SI: variants seen among roughly 807,000 people sequenced by gnomAD.
SI encodes sucrase-isomaltase, intestinal.
Under a neutral mutation model 253.3 loss-of-function variants are expected in SI, and 235 were observed. The observed-to-expected ratio is 0.93, with a 90% CI of 0.83 to 1.03. The LOEUF (loss-of-function observed/expected upper bound fraction) is 1.03, where lower values mean the gene tolerates loss of function less well. Among genes scored for constraint, SI ranks in the 50% least tolerant of loss-of-function variants. SI has a pLI of 0.00. For missense variants in SI, 2,442 were observed against 2,211.1 expected (o/e 1.10, Z -2.09); for synonymous variants, 819 against 712.0 (o/e 1.15, Z -2.39).
intron 20 of SI, among the ~76,000 whole-genome samples, 165 bp from the exon 21 acceptor site, chr3:165,038,189 A>G (rs1712633109): frequency 6.6e-6 from 1 of 151,996 alleles, no homozygotes; most frequent in African/African-American, 2.4e-5. Context: ...AGTTTGCTGA[A>G]CAAAGTAGAG....
intron 27 of SI, 32 bp from the exon 28 acceptor site, chr3:165,019,802 T>C: frequency 6.3e-7 from 1 of 1,579,068 alleles, no homozygotes; most frequent in Non-Finnish European, 8.7e-7. Flanking sequence ...GCTATGTCTG[T>C]CAAAATATAT....
Position 165,033,402 on chromosome 3 carries a change from A to C in SI, c.2558T>G (p.Val853Gly), listed in dbSNP as rs1712353383. 6.4e-7 allele frequency: 1 copy of C among 1,559,918 alleles called. No homozygotes were observed. The highest frequency in any genetic ancestry group is 1.4e-5 in the African/African-American group (1 of 73,096). The change falls in exon 23 of 48, where the codon GTT becomes GGT. Residue 853 changes from valine to glycine, a missense_variant. Val to Gly is a moderately radical substitution (Grantham distance 109). Transcript: ENST00000264382. ...NGNYILYTFS[V>G]SNNTLDIVCT... ...TACAAAGAGAGTGCTTACATTAGAA[A>C]CTGAAAATGTATATAATATGTAGTT...
At chr3:165,065,482 T>TAG (rs1560015794) in intron 6 of SI, 50 bp from the exon 7 acceptor site, 6 of 275,184 alleles carry the variant, frequency 2.2e-5, no homozygotes, top group African/African-American at 1.5e-4. Context: ...TATATATATA[T>TAG]ATATATATAT....
intron 25 of SI, among the ~76,000 whole-genome samples, chr3:165,027,406 G>A (rs761811298): frequency 3.4e-4 from 52 of 150,838 alleles, no homozygotes; most frequent in Non-Finnish European, 6.5e-4. Flanking sequence ...ATCTATTGAC[G>A]TTATTCCACA....
Position 164,991,334 on chromosome 3 carries a change from T to C in SI, c.5108+19A>G. The C allele has an allele frequency of 1.2e-6, 2 of 1,613,552 alleles. No homozygotes were observed. The highest frequency in any genetic ancestry group is 1.7e-6 in the Non-Finnish European group (2 of 1,179,550). On this transcript the variant is annotated intron_variant, in intron 44 of 47. Coordinates refer to ENST00000264382, the MANE Select transcript of SI (RefSeq NM_001041.4). ...TGTATCTCAAAATTTAACCTGAGCTTTGTAAACAGTTCACTTACCTGTAAA... is the reference window on the plus strand; with the variant it reads ...TGTATCTCAAAATTTAACCTGAGCTCTGTAAACAGTTCACTTACCTGTAAA...
At chr3:165,032,198 T>G (rs1460614152) in intron 24 of SI, among the ~76,000 whole-genome samples, 1 of 151,092 alleles carries the variant, frequency 6.6e-6, no homozygotes, top group East Asian at 1.9e-4. Context: ...TTGCGTGCAA[T>G]AGGTAGGTTA....
intron 37 of SI, among the ~76,000 whole-genome samples, chr3:165,006,532 C>T (rs928746920): frequency 6.6e-6 from 1 of 152,014 alleles, no homozygotes; most frequent in Non-Finnish European, 1.5e-5. Context: ...TGAGCACCTA[C>T]AATTGGCCAG....
chr3:165,006,301 G>C (rs1718508614), intron 37 of SI, among the ~76,000 whole-genome samples: 2 of 151,968 alleles, frequency 1.3e-5, no homozygotes, highest in South Asian at 4.1e-4. Context: ...GTAGAGATGA[G>C]GTTTCACCAT....
chr3:165,021,672 T>C (rs1386329578), intron 26 of SI, among the ~76,000 whole-genome samples: 1 of 151,704 alleles, frequency 6.6e-6, no homozygotes, highest in Non-Finnish European at 1.5e-5. Flanking sequence ...AAATATTCTG[T>C]TGTATGGGTA....
chr3:165,012,256 G>A (rs1189444878), intron 34 of SI, among the ~76,000 whole-genome samples: 3 of 152,086 alleles, frequency 2.0e-5, no homozygotes, highest in African/African-American at 7.2e-5. Flanking sequence ...GAAAATAAGG[G>A]CTTGCTAAGA....
At chr3:165,056,206 T>C (rs1444406509) in intron 12 of SI, among the ~76,000 whole-genome samples, 1 of 152,176 alleles carries the variant, frequency 6.6e-6, no homozygotes, top group Admixed American at 6.6e-5. Flanking sequence ...ATGTGTTCTG[T>C]GAAATGTTAA....
Position 165,007,973 on chromosome 3 carries a change from AC to A in SI, c.4204del (p.Val1402Ter). 1 of 1,592,016 alleles carries A rather than the reference AC, an allele frequency of 6.3e-7. No homozygotes were observed. Among genetic ancestry groups the A allele is most frequent in the Non-Finnish European group, 8.6e-7 (1 of 1,160,968 alleles). ...WIDMNEPSSF[V>X]NGTTTNQCRN... Reference sequence around the variant, plus strand: ...GCATTGATTAGTAGTTGTTCCATTTACAAAACTTGATGGCTCATTCATATCC... The same window carrying A: ...GCATTGATTAGTAGTTGTTCCATTTAAAAACTTGATGGCTCATTCATATCC... On this transcript the variant is annotated frameshift_variant, in exon 36 of 48. Transcript: ENST00000264382. LOFTEE classifies it high-confidence loss of function.
At chr3:165,053,246 C>A (rs1157141967) in intron 13 of SI, among the ~76,000 whole-genome samples, 1 of 151,986 alleles carries the variant, frequency 6.6e-6, no homozygotes, top group Non-Finnish European at 1.5e-5. Context: ...ATTAAGCTCA[C>A]ATCATTTCCC....
chr3:165,067,401 C>T lies in SI; in HGVS notation c.574G>A (p.Val192Met). 1.2e-6 allele frequency: 2 copies of T among 1,612,706 alleles called. No homozygotes were observed. Among genetic ancestry groups the T allele is most frequent in the Non-Finnish European group, 1.7e-6 (2 of 1,179,038 alleles). ...GPTVSDTLYD[V>M]KVAQNPFSIQ... ...CTAAATGGGTTTTGGGCAACCTTCA[C>T]ATCATACAACGTATCAGAAACTGTG... Residue 192 changes from valine to methionine, a missense_variant, in exon 6 of 48, where the codon GTG (valine) becomes ATG (methionine). Val to Met is a conservative substitution (Grantham distance 21, BLOSUM62 1). Transcript: ENST00000264382.
At chr3:165,067,620 T>C in intron 5 of SI, 129 bp from the exon 6 acceptor site, 1 of 772,092 alleles carries the variant, frequency 1.3e-6, no homozygotes, top group Non-Finnish European at 2.1e-6. Flanking sequence ...AGAGTATTAA[T>C]TCAGAACCTT....
upstream of SI, among the ~76,000 whole-genome samples, chr3:165,078,895 T>C (rs1715174147): frequency 6.6e-6 from 1 of 151,460 alleles, no homozygotes; most frequent in Non-Finnish European, 1.5e-5. Context: ...GATATAACAA[T>C]TAGAAGATAA....
At chr3:165,063,229 A>C (rs1254209342) in intron 8 of SI, among the ~76,000 whole-genome samples, 1 of 152,100 alleles carries the variant, frequency 6.6e-6, no homozygotes, top group Non-Finnish European at 1.5e-5. Context: ...CCTGAATACC[A>C]CAGCATAGCA....
At chr3:165,029,601 C>A (rs1365011225) in intron 25 of SI, among the ~76,000 whole-genome samples, 1 of 142,888 alleles carries the variant, frequency 7.0e-6, no homozygotes, top group African/African-American at 2.5e-5. Flanking sequence ...TATATATATA[C>A]ATATATATGT....
At chr3:165,088,283 T>C in the SI span, among the ~76,000 whole-genome samples, 1 of 151,952 alleles carries the variant, frequency 6.6e-6, no homozygotes, top group East Asian at 1.9e-4. Context: ...GAGGCTAAGG[T>C]TGCAGTGAGC....
Sources: allele counts gnomAD v4.1 joint callset (sites outside exome capture counted in the v4.1 genomes callset), GRCh38; gene constraint gnomAD v4.1.1; transcripts MANE v1.5; gene names NCBI Gene and HGNC (gene_info 2026-07-23, HGNC 2026-07-21).